QKI: variants seen among roughly 807,000 people sequenced by gnomAD.
QKI encodes the protein QKI, KH domain containing RNA binding.
QKI carries 10 observed loss-of-function variants against 39.0 expected under a neutral mutation model. The ratio of observed to expected loss-of-function variants is 0.26; its 90% CI spans 0.16 to 0.43. QKI has a LOEUF of 0.43. QKI is among the 20% of genes least tolerant of loss of function. The probability of loss-of-function intolerance (pLI) is 1.00; values close to 1 mark genes in which losing one functional copy is unlikely to be tolerated. For synonymous variants in QKI, 204 were observed against 155.4 expected, an observed-to-expected ratio of 1.31 and a Z score of -2.33; for missense variants, 218 against 428.0, an observed-to-expected ratio of 0.51 and a Z score of 4.33.
At chr6:163,434,728 A>G (rs1038475878) in intron 1 of QKI, among the ~76,000 whole-genome samples, 3 of 152,076 alleles carry the variant, frequency 2.0e-5, no homozygotes, top group African/African-American at 7.2e-5. Context: ...AAATTAATAA[A>G]TAAGATAAAT....
chr6:163,512,403 AAT>A (rs1779539428), intron 3 of QKI, among the ~76,000 whole-genome samples: 3 of 152,148 alleles, frequency 2.0e-5, no homozygotes, highest in Non-Finnish European at 4.4e-5. Flanking sequence ...CTTATTTTTT[AAT>A]ATAGAAAGTT....
At chr6:163,567,152 G>A (rs1783413763) in intron 7 of QKI, 4 of 1,013,870 alleles carry the variant, frequency 3.9e-6, no homozygotes, top group Non-Finnish European at 4.7e-6. Flanking sequence ...ATTTGGGGTT[G>A]GTATTGCAAA....
intron 1 of QKI, among the ~76,000 whole-genome samples, chr6:163,445,615 CTTT>C (rs771151149): frequency 8.9e-5 from 12 of 135,300 alleles, no homozygotes; most frequent in East Asian, 8.4e-4. Context: ...GAGTATATGT[CTTT>C]TTTTTTTTTT....
rs551741135 is a variant in QKI at position 163,470,865 on chromosome 6, G to A, written c.286-7915G>A. The stretch of plus-strand genomic sequence containing the variant: ...CAGAGGGATGGAAAAAAGTAGAAGG[G>A]AATGTGAAAAGTAAAAGGAATATAG... On this transcript the variant is annotated intron_variant, in intron 2 of 7. Coordinates refer to ENST00000361752, the MANE Select transcript of QKI (RefSeq NM_006775.3). Among the ~76,000 whole-genome samples the A allele has an allele frequency of 2.3e-3, 349 of 152,190 alleles. 1 individual carries two copies. Among genetic ancestry groups the A allele is most frequent in the Middle Eastern group, 6.8e-3 (2 of 294 alleles).
intron 2 of QKI, among the ~76,000 whole-genome samples, chr6:163,461,765 C>G (rs748292398): frequency 6.6e-5 from 10 of 152,020 alleles, no homozygotes; most frequent in Non-Finnish European, 1.3e-4. Context: ...ACTTTCAGCC[C>G]AATTTGAGAG....
chr6:163,565,677 T>C, intron 6 of QKI: 3 of 1,115,440 alleles, frequency 2.7e-6, no homozygotes, highest in Non-Finnish European at 3.3e-6. Flanking sequence ...ATGGTTAATT[T>C]CATTTCTTGC....
rs138562180 is a variant in QKI at position 163,505,955 on chromosome 6, G to A, written c.402+27059G>A. Among the ~76,000 whole-genome samples the A allele has an allele frequency of 3.3e-3, 499 of 152,200 alleles. 4 individuals are homozygous for A. Among genetic ancestry groups the A allele is most frequent in the African/African-American group, 0.011 (469 of 41,538 alleles). On this transcript the variant is annotated intron_variant, in intron 3 of 7. Transcript: ENST00000361752. The stretch of plus-strand genomic sequence containing the variant: ...CATGTGTTGAGGGAGGGACCTGGTG[G>A]GAGGTGATTGGATCATAGGGGTGGT...
At chr6:163,499,811 G>C (rs1045625880) in intron 3 of QKI, among the ~76,000 whole-genome samples, 12 of 152,138 alleles carry the variant, frequency 7.9e-5, no homozygotes, top group Non-Finnish European at 1.8e-4. Flanking sequence ...AAAACTGGGA[G>C]GTTCTTGCTC....
intron 2 of QKI, among the ~76,000 whole-genome samples, chr6:163,458,462 C>A (rs1283028195): frequency 6.6e-6 from 1 of 152,184 alleles, no homozygotes; most frequent in Admixed American, 6.5e-5. Flanking sequence ...GGTGTATTCA[C>A]AATAAGTATT....
intron 1 of QKI, among the ~76,000 whole-genome samples, chr6:163,435,247 C>T (rs1277863724): frequency 6.6e-6 from 1 of 152,166 alleles, no homozygotes; most frequent in African/African-American, 2.4e-5. Flanking sequence ...GTTGAAGAAG[C>T]TAATGTTGGA....
chr6:163,507,500 A>G lies in QKI; in HGVS notation c.403-27482A>G, dbSNP rs1372765666. 2.0e-5 allele frequency among the ~76,000 whole-genome samples: 3 copies of G among 152,338 alleles called. No individual in the cohort carries two copies. The East Asian group carries it at 5.8e-4, about 29-fold the overall frequency. On this transcript the variant is annotated intron_variant, in intron 3 of 7. Transcript: ENST00000361752. ...CCTGGCTTTTAGCCTGAGGCAAAGC[A>G]CATTAGGTGGCACTCATTCCAACCC...
chr6:163,522,597 T>A (rs1430563089), intron 3 of QKI, among the ~76,000 whole-genome samples: 4 of 152,204 alleles, frequency 2.6e-5, no homozygotes, highest in Admixed American at 6.5e-5. Context: ...TGGAGCAAAC[T>A]TTTAACGTTC....
intron 2 of QKI, among the ~76,000 whole-genome samples, chr6:163,457,840 T>C (rs1211735072): frequency 6.6e-6 from 1 of 152,106 alleles, no homozygotes; most frequent in Non-Finnish European, 1.5e-5. Context: ...ATAGCTGTAA[T>C]CAGTGTTATG....
At chr6:163,558,408 T>C (rs1054042774) in intron 4 of QKI, among the ~76,000 whole-genome samples, 1 of 150,494 alleles carries the variant, frequency 6.6e-6, no homozygotes, top group Non-Finnish European at 1.5e-5. Flanking sequence ...CTTTTTCTTT[T>C]TTTTTTTTTT....
At chr6:163,517,905 G>T (rs887949214) in intron 3 of QKI, among the ~76,000 whole-genome samples, 1 of 152,128 alleles carries the variant, frequency 6.6e-6, no homozygotes, top group East Asian at 1.9e-4. Flanking sequence ...ATTTCTAGAA[G>T]GTTAAGGTAA....
At chr6:163,517,884 G>A (rs1779928999) in intron 3 of QKI, among the ~76,000 whole-genome samples, 1 of 152,112 alleles carries the variant, frequency 6.6e-6, no homozygotes, top group Admixed American at 6.6e-5. Context: ...GTTATTAGAT[G>A]ATACACAGCT....
intron 3 of QKI, among the ~76,000 whole-genome samples, chr6:163,485,679 A>G (rs1425938575): frequency 2.6e-5 from 4 of 152,074 alleles, no homozygotes; most frequent in Admixed American, 2.6e-4. Context: ...GATGGGTGAA[A>G]TGTATGCAGT....
intron 1 of QKI, among the ~76,000 whole-genome samples, chr6:163,438,549 C>T (rs752544067): frequency 6.6e-6 from 1 of 152,148 alleles, no homozygotes; most frequent in African/African-American, 2.4e-5. Flanking sequence ...CAAACCTGTA[C>T]AGCATGCTAC....
At chr6:163,482,653 T>C (rs1280640307) in intron 3 of QKI, among the ~76,000 whole-genome samples, 1 of 150,244 alleles carries the variant, frequency 6.7e-6, no homozygotes, top group African/African-American at 2.5e-5. Context: ...TAAAGGATAT[T>C]ACAAAGGATA....
Sources: gnomAD v4.1 joint callset for allele counts (sites outside exome capture counted in the v4.1 genomes callset) on GRCh38, gnomAD v4.1.1 for gene constraint, MANE v1.5 for transcripts, NCBI Gene and HGNC (gene_info 2026-07-23, HGNC 2026-07-21) for gene names.